The following IFT81 variants were observed in gnomAD, a reference collection of about 807,000 sequenced individuals.
IFT81 encodes intraflagellar transport 81.
Under a neutral mutation model 102.6 loss-of-function variants are expected in IFT81, and 72 were observed. The observed-to-expected ratio is 0.70, with a 90% CI of 0.58 to 0.85. The LOEUF is 0.85. Ranked by LOEUF, IFT81 falls within the 40% of genes least tolerant of loss-of-function variation. The pLI is 0.00. For missense variants in IFT81, 723 were observed against 787.3 expected, an observed-to-expected ratio of 0.92 and a Z score of 0.98; for synonymous variants, 237 against 242.7, an observed-to-expected ratio of 0.98 and a Z score of 0.22.
At position 110,135,451 on chromosome 12, in the gene IFT81, A is replaced by C. The variant is rs1053930892; in HGVS notation, c.696+14A>C. 10 of 1,452,484 alleles carry C rather than the reference A, an allele frequency of 6.9e-6. No individual in the cohort carries two copies. In the African/African-American group the frequency reaches 1.1e-4, roughly 16 times the overall value. The allele number at this position is 1,452,484 out of a possible 1,614,324, so 90.0% of individuals were successfully genotyped here. On this transcript the variant is annotated intron_variant, in intron 7 of 18. Coordinates refer to ENST00000242591, the MANE Select transcript of IFT81 (RefSeq NM_014055.4). ...CAAAAGAATCAGGTATCCACATAAA[A>C]GTTTATATTCTCAGTATGAAGGAAA...
intron 18 of IFT81, among the ~76,000 whole-genome samples, chr12:110,213,121 CG>C (rs1566175415): frequency 1.3e-5 from 2 of 152,052 alleles, no homozygotes; most frequent in African/African-American, 4.8e-5. Flanking sequence ...AAAATAATTA[CG>C]TAACATCCAA....
chr12:110,137,249 A>AG (rs1466997522), intron 8 of IFT81, among the ~76,000 whole-genome samples: 1 of 152,250 alleles, frequency 6.6e-6, no homozygotes, highest in Non-Finnish European at 1.5e-5. Context: ...CTGAGGCAGG[A>AG]GAATCACTTG....
chr12:110,172,685 A>T (rs1462478348), intron 11 of IFT81, among the ~76,000 whole-genome samples: 1 of 152,104 alleles, frequency 6.6e-6, no homozygotes, highest in East Asian at 1.9e-4. Context: ...TGGTTCACTC[A>T]GTGCTCAATG....
chr12:110,206,562 C>A (rs759996275), intron 17 of IFT81, among the ~76,000 whole-genome samples: 8 of 151,742 alleles, frequency 5.3e-5, no homozygotes, highest in Non-Finnish European at 1.0e-4. Flanking sequence ...GTAGTCCCAG[C>A]TACTTAGGAG....
Position 110,209,413 on chromosome 12 carries a change from GA to G in IFT81, c.1848+203del, listed in dbSNP as rs143400784. On this transcript the variant is annotated intron_variant, in intron 18 of 18. Transcript: ENST00000242591. ...ATAAAGTCACGATGGATTTTTGAAA[GA>G]AAAAATTATCTATTTTTAAATCACA... 6.9e-3 allele frequency among the ~76,000 whole-genome samples: 1,045 copies of G among 152,164 alleles called. 2 individuals are homozygous for G. Among genetic ancestry groups the G allele is most frequent in the Non-Finnish European group, 9.5e-3 (644 of 67,982 alleles).
At chr12:110,191,077 T>C in intron 13 of IFT81, 29 bp downstream of exon 13, 1 of 1,585,244 alleles carries the variant, frequency 6.3e-7, no homozygotes, top group Middle Eastern at 1.9e-4. Context: ...AAATTTTCTT[T>C]TATTGTGTAG....
chr12:110,167,561 G>A (rs1246829911), intron 11 of IFT81, among the ~76,000 whole-genome samples: 1 of 151,892 alleles, frequency 6.6e-6, no homozygotes, highest in Non-Finnish European at 1.5e-5. Flanking sequence ...TATCTCAAAG[G>A]TTTTTATATT....
chr12:110,195,940 C>A (rs1393065630), intron 14 of IFT81, among the ~76,000 whole-genome samples: 7 of 152,128 alleles, frequency 4.6e-5, no homozygotes, highest in Non-Finnish European at 5.9e-5. Context: ...CTGAGGCCAA[C>A]TTAATTTTTT....
chr12:110,157,257 G>A (rs1197044431), intron 10 of IFT81, among the ~76,000 whole-genome samples: 1 of 152,166 alleles, frequency 6.6e-6, no homozygotes, highest in Non-Finnish European at 1.5e-5. Context: ...GCTGAGGCAG[G>A]AGAATTGCTT....
chr12:110,212,983 A>G (rs1325451692), intron 18 of IFT81, among the ~76,000 whole-genome samples: 5 of 152,108 alleles, frequency 3.3e-5, no homozygotes, highest in Non-Finnish European at 5.9e-5. Flanking sequence ...ACCTGCCCCA[A>G]ATTTTTTTTC....
chr12:110,168,820 G>A (rs1167767385), intron 11 of IFT81: 1 of 152,180 alleles, frequency 6.6e-6, no homozygotes, highest in African/African-American at 2.4e-5. Flanking sequence ...AAATTAACAT[G>A]CAGGCCTGAG....
intron 10 of IFT81, among the ~76,000 whole-genome samples, chr12:110,153,355 C>T (rs552919121): frequency 2.0e-5 from 3 of 151,692 alleles, no homozygotes; most frequent in South Asian, 4.2e-4. Context: ...CTGCCTCAGC[C>T]TCCCAAGTAG....
chr12:110,137,726 ACT>A (rs1269551956), intron 8 of IFT81, among the ~76,000 whole-genome samples: 1 of 151,986 alleles, frequency 6.6e-6, no homozygotes, highest in African/African-American at 2.4e-5. Flanking sequence ...ACAGACTGAG[ACT>A]CTGTCTCAAG....
At chr12:110,128,264 G>T in intron 3 of IFT81, 115 bp downstream of exon 3, 1 of 642,704 alleles carries the variant, frequency 1.6e-6, no homozygotes, top group Non-Finnish European at 2.8e-6. Flanking sequence ...GATGGCCTGA[G>T]AACATCACTG....
At chr12:110,196,731 G>T (rs1284339612) in intron 14 of IFT81, among the ~76,000 whole-genome samples, 1 of 152,118 alleles carries the variant, frequency 6.6e-6, no homozygotes, top group African/African-American at 2.4e-5. Context: ...TTTATGTTCT[G>T]TCTTTATTTT....
Position 110,143,526 on chromosome 12 carries a change from T to C in IFT81, c.926T>C (p.Leu309Pro), listed in dbSNP as rs372365248. ...GAGCCAGCTATGGGCCATTCTGATC[T>C]TCTTGAACTTGAATCTAAAGTAAGT... ...VSEPAMGHSD[L>P]LELESKINEI... The change falls in exon 9 of 19, where the codon CTT becomes CCT. Residue 309 changes from leucine to proline, a missense_variant. By Grantham distance (98) the Leu-to-Pro change is moderately conservative (BLOSUM62 -3). Coordinates refer to ENST00000242591, the MANE Select transcript of IFT81 (RefSeq NM_014055.4). 55 of 1,555,764 alleles carry C rather than the reference T, an allele frequency of 3.5e-5. No individual in the cohort carries two copies. Among genetic ancestry groups the C allele is most frequent in the Non-Finnish European group, 4.4e-5 (51 of 1,162,228 alleles).
intron 8 of IFT81, among the ~76,000 whole-genome samples, chr12:110,141,555 G>C (rs953538386): frequency 2.0e-5 from 3 of 152,140 alleles, no homozygotes; most frequent in Non-Finnish European, 4.4e-5. Flanking sequence ...CTATTACACA[G>C]ATTACTTAAA....
At chr12:110,137,769 G>T (rs551547117) in intron 8 of IFT81, among the ~76,000 whole-genome samples, 11 of 151,352 alleles carry the variant, frequency 7.3e-5, no homozygotes, top group African/African-American at 2.7e-4. Flanking sequence ...ATAAATAAAG[G>T]ACTTAGCATG....
chr12:110,190,391 T>C (rs140056885), intron 12 of IFT81, among the ~76,000 whole-genome samples: 262 of 152,306 alleles, frequency 1.7e-3, no homozygotes, highest in Non-Finnish European at 2.8e-3. Flanking sequence ...CTCAGGATCA[T>C]CTTCTCTGGA....
Sources: allele counts gnomAD v4.1 joint callset (sites outside exome capture counted in the v4.1 genomes callset), GRCh38; gene constraint gnomAD v4.1.1; transcripts MANE v1.5; gene names NCBI Gene and HGNC (gene_info 2026-07-23, HGNC 2026-07-21).